The following CHRNA4 variants were observed in gnomAD, a reference collection of about 807,000 sequenced individuals.
CHRNA4 encodes the protein cholinergic receptor nicotinic alpha 4 subunit.
Under a neutral mutation model 48.9 loss-of-function variants are expected in CHRNA4, and 28 were observed. The ratio of observed to expected loss-of-function variants is 0.57; its 90% CI spans 0.42 to 0.79. The LOEUF is 0.79. Ranked by LOEUF, CHRNA4 falls within the 30% of genes least tolerant of loss-of-function variation. The probability of loss-of-function intolerance (pLI) is 0.00; values close to 1 mark genes in which losing one functional copy is unlikely to be tolerated. For missense variants in CHRNA4, 859 were observed against 898.4 expected, an observed-to-expected ratio of 0.96 and a Z score of 0.56; for synonymous variants, 425 against 402.3, an observed-to-expected ratio of 1.06 and a Z score of -0.68.
chr20:63,358,828 G>A (rs550524953), intron 2 of CHRNA4, among the ~76,000 whole-genome samples: 1 of 152,190 alleles, frequency 6.6e-6, no homozygotes, highest in East Asian at 1.9e-4. Context: ...CTCCAGGGCC[G>A]CCGAGACCCC....
At position 63,350,058 on chromosome 20, in the gene CHRNA4, C is replaced by T. The variant is rs113168860; in HGVS notation, c.1353G>A (p.Pro451=). 5.5e-4 allele frequency: 835 copies of T among 1,510,934 alleles called. 3 individuals are homozygous for T. The African/African-American group carries it at 7.5e-3, about 14-fold the overall frequency. The allele number at this position is 1,510,934 out of a possible 1,614,324, so 93.6% of individuals were successfully genotyped here. A position where few individuals can be genotyped will look rare whatever the true frequency, so the allele number is the denominator to read the frequency against. Residue 451 remains proline, a synonymous_variant, in exon 5 of 6, where the codon CCG becomes CCA. Transcript: ENST00000370263. ...GCCCTGGTGCCTGGGTGCCGTGGGG[C>T]GGGCGGCAGGGTCCAGGCGAGGGGT... ...SPHPSPGPCR[P]PHGTQAPGLA...
intron 5 of CHRNA4, 137 bp from the exon 6 acceptor site, chr20:63,347,000 G>A (rs1347536999): frequency 5.1e-5 from 64 of 1,266,708 alleles, no homozygotes; most frequent in East Asian, 7.1e-5. Flanking sequence ...GCTGGTGCAC[G>A]CGGCACACAG....
At chr20:63,355,252 G>C (rs2145399660) in intron 4 of CHRNA4, 1 of 347,868 alleles carries the variant, frequency 2.9e-6, no homozygotes, top group East Asian at 7.5e-5. Context: ...GAGGACAGCA[G>C]CCTCCGGAGG....
In CHRNA4 at chr20:63,355,918, T is replaced by G. The variant is rs984096354; in HGVS notation, c.383+57A>C. Reference sequence around the variant, plus strand: ...TCCCTGTCTGGGCAGGGGCAGGCCCTGGCCACTCCTGCCCACCAAGGCCCT... The same window carrying G: ...TCCCTGTCTGGGCAGGGGCAGGCCCGGGCCACTCCTGCCCACCAAGGCCCT... On this transcript the variant is annotated intron_variant, in intron 4 of 5. Transcript: ENST00000370263. The G allele has an allele frequency of 2.5e-6, 4 of 1,584,892 alleles. No homozygotes were observed. In the African/African-American group the frequency reaches 4.1e-5, roughly 16 times the overall value.
rs774083229 is a variant in CHRNA4 at position 63,343,383 on chromosome 20, C to T, written c.*3355G>A. Reference sequence around the variant, plus strand: ...CATGGGGCTGGCCGGGCTTGCATCCCCAGGTGCTGTGTGTGCTGCGCCTGA... The same window carrying T: ...CATGGGGCTGGCCGGGCTTGCATCCTCAGGTGCTGTGTGTGCTGCGCCTGA... On this transcript the variant is annotated 3_prime_UTR_variant, in exon 6 of 6. Transcript: ENST00000370263. 4 of 454,022 alleles carry T rather than the reference C, an allele frequency of 8.8e-6. No homozygotes were observed. The highest frequency in any genetic ancestry group is 2.0e-5 in the African/African-American group (1 of 50,008). The allele number at this position is 454,022 out of a possible 1,614,324, so 28.1% of individuals were successfully genotyped here. A position where few individuals can be genotyped will look rare whatever the true frequency, so the allele number is the denominator to read the frequency against.
intron 4 of CHRNA4, 138 bp from the exon 5 acceptor site, chr20:63,351,165 ACGTC>A: frequency 1.8e-5 from 13 of 732,928 alleles, no homozygotes; most frequent in African/African-American, 1.6e-4. Flanking sequence ...GCCCACATCC[ACGTC>A]CACGCCCACA....
Position 63,349,643 on chromosome 20 carries a change from C to T in CHRNA4, c.1758+10G>A, listed in dbSNP as rs45478300. On this transcript the variant is annotated intron_variant, in intron 5 of 5. Transcript: ENST00000370263. ...CAGAGGCGCCCAACACAGCCATGGG[C>T]GGGACTTACCGAGAAGTCTGTGTCT... The T allele has an allele frequency of 9.9e-6, 16 of 1,612,678 alleles. No homozygotes were observed. Among genetic ancestry groups the T allele is most frequent in the Non-Finnish European group, 1.3e-5 (15 of 1,179,884 alleles).
rs202100091 is a variant in CHRNA4, at chr20:63,344,999, C to T, written c.*1739G>A. The T allele has an allele frequency of 1.1e-5, 5 of 438,478 alleles. No individual in the cohort carries two copies. Among genetic ancestry groups the T allele is most frequent in the Non-Finnish European group, 2.3e-5 (5 of 215,238 alleles). 27.2% of individuals were successfully genotyped at this position (438,478 alleles called of 1,614,324 possible). On this transcript the variant is annotated 3_prime_UTR_variant, in exon 6 of 6. Transcript: ENST00000370263. The surrounding 1 kb of genome is among the most constrained non-coding windows in gnomAD (Gnocchi z 4.5). ...AAAGCCCCAGCCTCAGGACCCCGGT[C>T]ACAGGCACCCGGGGGTGGGGGTGAC...
In CHRNA4 at chr20:63,361,304, G is replaced by C. The variant is rs989210861; in HGVS notation, c.-139C>G. On this transcript the variant is annotated 5_prime_UTR_variant, in exon 1 of 6. Coordinates refer to ENST00000370263, the MANE Select transcript of CHRNA4 (RefSeq NM_000744.7). Reference sequence around the variant, plus strand: ...CGGGCCCGGTTCGTCTTCTCCTGTGGGGCGCGGTGCGGCGGCGGCGCGGCA... The same window carrying C: ...CGGGCCCGGTTCGTCTTCTCCTGTGCGGCGCGGTGCGGCGGCGGCGCGGCA... 1 of 1,267,408 alleles carries C rather than the reference G, an allele frequency of 7.9e-7. No individual in the cohort carries two copies. Among genetic ancestry groups the C allele is most frequent in the African/African-American group, 1.6e-5 (1 of 60,840 alleles). The allele number at this position is 1,267,408 out of a possible 1,614,324, so 78.5% of individuals were successfully genotyped here.
intron 1 of CHRNA4, among the ~76,000 whole-genome samples, chr20:63,360,481 C>T (rs45497800): frequency 0.065 from 9,879 of 152,270 alleles, 459 homozygotes; most frequent in South Asian, 0.14. Flanking sequence ...CATTCCCCGC[C>T]TGTCCTGGGC....
chr20:63,353,065 G>T (rs1568813933), intron 4 of CHRNA4, among the ~76,000 whole-genome samples: 1 of 152,232 alleles, frequency 6.6e-6, no homozygotes, highest in African/African-American at 2.4e-5. Flanking sequence ...GGGCCCACAG[G>T]CTGGCGTGAG....
At chr20:63,346,899 G>A (rs747216106) in intron 5 of CHRNA4, 36 bp from the exon 6 acceptor site, 45 of 1,610,956 alleles carry the variant, frequency 2.8e-5, no homozygotes, top group Admixed American at 3.3e-5. Context: ...AGCACGGCCC[G>A]GCCGCCGCCA....
chr20:63,349,197 A>C (rs1249404693), intron 5 of CHRNA4, among the ~76,000 whole-genome samples: 2 of 151,776 alleles, frequency 1.3e-5, no homozygotes, highest in Non-Finnish European at 2.9e-5. Context: ...AGCCCCCTAC[A>C]TCCAGGCCCC....
At chr20:63,359,733 A>G in intron 1 of CHRNA4, 34 bp from the exon 2 acceptor site, 1 of 1,605,998 alleles carries the variant, frequency 6.2e-7, no homozygotes, top group Non-Finnish European at 8.5e-7. Context: ...GCTCAGGTGC[A>G]GGCGGGACAG....
chr20:63,353,620 AG>A (rs1235497657), intron 4 of CHRNA4, among the ~76,000 whole-genome samples: 1 of 17,580 alleles, frequency 5.7e-5, no homozygotes. Context: ...GTGGTCCTAG[AG>A]GGGGCTGTGG....
chr20:63,349,990 G>C lies in CHRNA4; in HGVS notation c.1421C>G (p.Pro474Arg), dbSNP rs199778549. 1.7e-4 allele frequency: 263 copies of C among 1,550,934 alleles called. No individual in the cohort carries two copies. The highest frequency in any genetic ancestry group is 2.2e-4 in the Non-Finnish European group (255 of 1,147,316). Reference protein sequence around the residue: ...RSLSVQHMSSPGEAVEGGVRC... With the variant: ...RSLSVQHMSSRGEAVEGGVRC... ...GACGCCGCCTTCCACCGCTTCGCCAGGGCTGGACATGTGCTGGACGCTGAG... is the reference window on the plus strand; with the variant it reads ...GACGCCGCCTTCCACCGCTTCGCCACGGCTGGACATGTGCTGGACGCTGAG... The change falls in exon 5 of 6, where the codon CCT becomes CGT. Residue 474 changes from proline (P) to arginine (R), a missense_variant. Transcript: ENST00000370263.
intron 1 of CHRNA4, 79 bp from the exon 2 acceptor site, chr20:63,359,778 C>A (rs985047859): frequency 2.6e-6 from 4 of 1,538,966 alleles, no homozygotes; most frequent in Non-Finnish European, 3.5e-6. Context: ...TCCAGGCTGC[C>A]CCAGCCCCCT....
intron 4 of CHRNA4, among the ~76,000 whole-genome samples, chr20:63,354,002 GC>G (rs570464462): frequency 0.034 from 1,679 of 50,016 alleles, 121 homozygotes; most frequent in East Asian, 0.055. Context: ...TGTGGTCCTG[GC>G]GGGGGGGCTG....
At chr20:63,359,901 G>GTGTGTGTGTGTGTGTGCCGGGCATGCGC (rs1568820102) in intron 1 of CHRNA4, 2 of 298,884 alleles carry the variant, frequency 6.7e-6, no homozygotes, top group East Asian at 9.0e-5. Flanking sequence ...CGTGTGCTGT[G>GTGTGTGTGTGTGTGTGCCGGGCATGCGC]TGTGTGTGTG....
Sources: gnomAD v4.1 joint callset for allele counts (sites outside exome capture counted in the v4.1 genomes callset) on GRCh38, gnomAD v4.1.1 for gene constraint, Gnocchi (gnomAD v3.1) non-coding constraint, MANE v1.5 for transcripts, NCBI Gene and HGNC (gene_info 2026-07-23, HGNC 2026-07-21) for gene names.